The following MICU2 variants were observed in gnomAD, a reference collection of about 807,000 sequenced individuals.
MICU2 encodes the protein mitochondrial calcium uptake 2.
A neutral mutation model predicts 60.4 loss-of-function variants in MICU2; 64 were observed. The observed-to-expected ratio is 1.06, with a 90% CI of 0.87 to 1.31. The LOEUF (loss-of-function observed/expected upper bound fraction) is 1.31, where lower values mean the gene tolerates loss of function less well. Ranked by LOEUF, MICU2 falls within the 50% of genes most tolerant of loss-of-function variation. The pLI is 0.00. For missense variants in MICU2, 569 were observed against 531.0 expected (o/e 1.07, Z -0.70); for synonymous variants, 201 against 175.0 (o/e 1.15, Z -1.17).
intron 1 of MICU2, among the ~76,000 whole-genome samples, chr13:21,588,082 C>T (rs1195229283): frequency 6.6e-6 from 1 of 152,140 alleles, no homozygotes; most frequent in Non-Finnish European, 1.5e-5. Flanking sequence ...AGCTTTTATG[C>T]CATAGTTGGT....
chr13:21,532,435 A>G (rs940237279), intron 4 of MICU2, among the ~76,000 whole-genome samples: 2 of 152,204 alleles, frequency 1.3e-5, no homozygotes, highest in South Asian at 2.1e-4. Context: ...AATTTTCTCC[A>G]AAGTTTGTTA....
At position 21,550,365 on chromosome 13, in the gene MICU2, C is replaced by A. The variant is rs192604761; in HGVS notation, c.359-10677G>T. ...CAGCCTGGGCAACCAAGCAAAACCTCTCTCTCTACAAAAAATTAAAAAATT... is the reference window on the plus strand; with the variant it reads ...CAGCCTGGGCAACCAAGCAAAACCTATCTCTCTACAAAAAATTAAAAAATT... On this transcript the variant is annotated intron_variant, in intron 2 of 11. Coordinates refer to ENST00000382374, the MANE Select transcript of MICU2 (RefSeq NM_152726.3). Among the ~76,000 whole-genome samples, 250 of 152,254 alleles carry A rather than the reference C, an allele frequency of 1.6e-3. 1 individual carries two copies. Among genetic ancestry groups the A allele is most frequent in the African/African-American group, 5.9e-3 (244 of 41,554 alleles).
At chr13:21,529,416 C>T (rs1331461411) in intron 4 of MICU2, among the ~76,000 whole-genome samples, 1 of 152,200 alleles carries the variant, frequency 6.6e-6, no homozygotes, top group Non-Finnish European at 1.5e-5. Context: ...TGTAAATACA[C>T]AGATGGCTGA....
chr13:21,588,916 A>T (rs1257489796), intron 1 of MICU2, among the ~76,000 whole-genome samples: 1 of 152,244 alleles, frequency 6.6e-6, no homozygotes, highest in African/African-American at 2.4e-5. Context: ...GATAGGTAAC[A>T]ATAAAAATGT....
At chr13:21,567,000 T>C in intron 1 of MICU2, 56 bp from the exon 2 acceptor site, 2 of 1,405,070 alleles carry the variant, frequency 1.4e-6, no homozygotes, top group South Asian at 2.7e-5. Context: ...CCCAGTCACT[T>C]CTAGGACAAT....
chr13:21,554,552 T>C (rs534106573), intron 2 of MICU2, among the ~76,000 whole-genome samples: 1 of 152,260 alleles, frequency 6.6e-6, no homozygotes, highest in East Asian at 1.9e-4. Flanking sequence ...GGGAAATTTA[T>C]AGCACAAAAT....
intron 11 of MICU2, 37 bp downstream of exon 11, chr13:21,495,118 TAATGAC>T (rs762333355): frequency 1.3e-6 from 2 of 1,517,428 alleles, no homozygotes; most frequent in East Asian, 2.3e-5. Context: ...TAATATCAGT[TAATGAC>T]AATGTAAACA....
chr13:21,553,350 A>G (rs1190017536), intron 2 of MICU2, among the ~76,000 whole-genome samples: 2 of 152,168 alleles, frequency 1.3e-5, no homozygotes. Context: ...GGTTTTCCAG[A>G]TATACAATCA....
At chr13:21,522,971 T>C (rs912252146) in intron 4 of MICU2, among the ~76,000 whole-genome samples, 2 of 152,228 alleles carry the variant, frequency 1.3e-5, no homozygotes, top group Non-Finnish European at 2.9e-5. Context: ...AGCATTTACA[T>C]TGGTAGACTC....
chr13:21,493,109 A>G lies in MICU2; in HGVS notation c.*140T>C. The G allele has an allele frequency of 2.2e-6, 1 of 463,034 alleles. No individual in the cohort carries two copies. The highest frequency in any genetic ancestry group is 3.6e-5 in the East Asian group (1 of 28,100). 28.7% of individuals were successfully genotyped at this position (463,034 alleles called of 1,614,324 possible). ...TACTAAGTTCTTTAATAAAATTATG[A>G]ATCAGAAAGCAAGTACAAGACATGC... On this transcript the variant is annotated 3_prime_UTR_variant, in exon 12 of 12. Transcript: ENST00000382374.
chr13:21,497,162 C>G (rs371047228), intron 9 of MICU2, among the ~76,000 whole-genome samples: 27 of 149,154 alleles, frequency 1.8e-4, no homozygotes, highest in African/African-American at 6.7e-4. Flanking sequence ...CACCTGAGGT[C>G]AGCAGTTCAA....
chr13:21,499,457 TG>T (rs1886088430), intron 9 of MICU2, among the ~76,000 whole-genome samples: 2 of 151,880 alleles, frequency 1.3e-5, no homozygotes, highest in Non-Finnish European at 2.9e-5. Flanking sequence ...TCACCCAGGC[TG>T]GAGTGCAGTA....
intron 8 of MICU2, among the ~76,000 whole-genome samples, chr13:21,508,584 A>G (rs1186533887): frequency 2.0e-5 from 3 of 152,164 alleles, no homozygotes; most frequent in African/African-American, 7.2e-5. Context: ...AGCTACCTCT[A>G]TCTTATGGTG....
At chr13:21,548,949 C>T (rs1338392356) in intron 2 of MICU2, among the ~76,000 whole-genome samples, 22 of 100,480 alleles carry the variant, frequency 2.2e-4, no homozygotes, top group Non-Finnish European at 2.8e-4. Flanking sequence ...TTTTTTGGGA[C>T]GGAGTCTCCT....
At chr13:21,593,055 T>C (rs1888617144) in intron 1 of MICU2, among the ~76,000 whole-genome samples, 1 of 152,150 alleles carries the variant, frequency 6.6e-6, no homozygotes, top group African/African-American at 2.4e-5. Flanking sequence ...GGTATTCGAA[T>C]AGGAAGACAG....
At chr13:21,541,837 C>T (rs1350629502) in intron 2 of MICU2, among the ~76,000 whole-genome samples, 1 of 152,032 alleles carries the variant, frequency 6.6e-6, no homozygotes, top group Non-Finnish European at 1.5e-5. Context: ...ATGTAGATTA[C>T]AAGTTCTATT....
chr13:21,516,025 C>T (rs1886561183), intron 6 of MICU2, among the ~76,000 whole-genome samples: 3 of 152,170 alleles, frequency 2.0e-5, no homozygotes, highest in Admixed American at 6.5e-5. Flanking sequence ...TACAACAAGT[C>T]ACCATGTAAA....
intron 1 of MICU2, among the ~76,000 whole-genome samples, chr13:21,572,303 T>C (rs1386872209): frequency 6.6e-6 from 1 of 152,220 alleles, no homozygotes; most frequent in East Asian, 1.9e-4. Flanking sequence ...GCTGTTTTTC[T>C]GGAGGTTTTC....
At chr13:21,574,847 T>C (rs1888187938) in intron 1 of MICU2, among the ~76,000 whole-genome samples, 1 of 152,226 alleles carries the variant, frequency 6.6e-6, no homozygotes, top group Non-Finnish European at 1.5e-5. Context: ...CAATCAGAAA[T>C]TTTCATTTGA....
Sources: allele counts gnomAD v4.1 joint callset (sites outside exome capture counted in the v4.1 genomes callset), GRCh38; gene constraint gnomAD v4.1.1; transcripts MANE v1.5; gene names NCBI Gene and HGNC (gene_info 2026-07-23, HGNC 2026-07-21).